Variants in SNX29 observed in about 807,000 individuals in gnomAD.
The protein encoded by SNX29 is sorting nexin-29.
In SNX29, 78 loss-of-function variants were observed where a neutral mutation model predicts 102.1. The observed-to-expected ratio is 0.76, with a 90% CI of 0.64 to 0.92. The LOEUF is 0.92. SNX29 is among the 40% of genes least tolerant of loss of function. The pLI, the probability that SNX29 is intolerant of heterozygous loss-of-function variation, is 0.00. For synonymous variants in SNX29, 580 were observed against 414.5 expected (o/e 1.40, Z -4.85); for missense variants, 1,280 against 1,061.7 (o/e 1.21, Z -2.86).
intron 18 of SNX29, among the ~76,000 whole-genome samples, chr16:12,462,859 G>T (rs1177341690): frequency 6.6e-6 from 1 of 152,140 alleles, no homozygotes; most frequent in African/African-American, 2.4e-5. Context: ...GCTAAGGGGG[G>T]ATCATGTGCA....
At chr16:11,995,963 G>T (rs1431001739) in intron 1 of SNX29, among the ~76,000 whole-genome samples, 1 of 152,088 alleles carries the variant, frequency 6.6e-6, no homozygotes, top group Non-Finnish European at 1.5e-5. Context: ...GGGAGGCTGA[G>T]GCAGGAGAAT....
At chr16:12,153,321 C>G (rs1194190034) in intron 13 of SNX29, among the ~76,000 whole-genome samples, 2 of 152,012 alleles carry the variant, frequency 1.3e-5, no homozygotes, top group African/African-American at 4.8e-5. Flanking sequence ...TGACATCTTC[C>G]AAAATATCGT....
chr16:12,214,597 G>C (rs536014084), intron 14 of SNX29, among the ~76,000 whole-genome samples: 1 of 152,058 alleles, frequency 6.6e-6, no homozygotes, highest in African/African-American at 2.4e-5. Flanking sequence ...AGACTGAATG[G>C]AAGAATCGAT....
chr16:12,513,191 C>T (rs2089709596), intron 19 of SNX29, among the ~76,000 whole-genome samples: 2 of 151,460 alleles, frequency 1.3e-5, no homozygotes, highest in South Asian at 2.1e-4. Flanking sequence ...ACCTTTCCTC[C>T]CTCTCCCTTG....
At chr16:12,542,024 T>G (rs1342001058) in intron 20 of SNX29, among the ~76,000 whole-genome samples, 2 of 152,058 alleles carry the variant, frequency 1.3e-5, no homozygotes, top group South Asian at 2.1e-4. Context: ...ACCGCTCTGT[T>G]TTTTCTTTTT....
chr16:12,536,635 T>C (rs1336630303), intron 20 of SNX29, among the ~76,000 whole-genome samples: 1 of 152,146 alleles, frequency 6.6e-6, no homozygotes, highest in Admixed American at 6.5e-5. Context: ...CAGGGGTGTA[T>C]ACAGCTAATT....
At chr16:12,472,529 C>CAAAAAAAAAAAAAAACAAA (rs60223249) in intron 18 of SNX29, among the ~76,000 whole-genome samples, 1 of 72,942 alleles carries the variant, frequency 1.4e-5, no homozygotes, top group African/African-American at 4.2e-5. Flanking sequence ...AAAAAAAAAC[C>CAAAAAAAAAAAAAAACAAA]AAAAAAAAAA....
chr16:12,515,612 C>T (rs1203189995), intron 19 of SNX29: 3 of 487,782 alleles, frequency 6.2e-6, no homozygotes, highest in Non-Finnish European at 1.2e-5. Context: ...GAAGTCACCT[C>T]CTCCCAGGTG....
intron 20 of SNX29, among the ~76,000 whole-genome samples, chr16:12,560,438 C>T (rs1408389831): frequency 6.6e-6 from 1 of 152,138 alleles, no homozygotes; most frequent in South Asian, 2.1e-4. Context: ...ATCCATGTCC[C>T]CAGCCCCGAG....
At chr16:12,535,995 C>T (rs559274612) in intron 20 of SNX29, among the ~76,000 whole-genome samples, 8 of 152,168 alleles carry the variant, frequency 5.3e-5, no homozygotes, top group Non-Finnish European at 1.5e-5. Context: ...TCTTTGATAC[C>T]TGTTCGACAC....
intron 14 of SNX29, among the ~76,000 whole-genome samples, chr16:12,215,326 A>T (rs1362171870): frequency 1.3e-5 from 2 of 152,054 alleles, no homozygotes; most frequent in Non-Finnish European, 2.9e-5. Flanking sequence ...AAAAAAAAAA[A>T]AAATCAGAAG....
intron 20 of SNX29, among the ~76,000 whole-genome samples, chr16:12,566,991 A>C (rs758452349): frequency 1.9e-4 from 29 of 152,250 alleles, no homozygotes; most frequent in Non-Finnish European, 3.8e-4. Flanking sequence ...ATGTCCCTGG[A>C]AAGGTGCAAC....
chr16:12,362,662 G>C (rs546278032), intron 16 of SNX29, among the ~76,000 whole-genome samples: 2 of 146,926 alleles, frequency 1.4e-5, no homozygotes, highest in Non-Finnish European at 3.0e-5. Flanking sequence ...GTGTTCCCTC[G>C]CCTGGAACAC....
At chr16:12,563,394 G>C (rs914222652) in intron 20 of SNX29, among the ~76,000 whole-genome samples, 1 of 152,224 alleles carries the variant, frequency 6.6e-6, no homozygotes, top group Non-Finnish European at 1.5e-5. Flanking sequence ...CCGTAACCAT[G>C]AAAATAGATG....
intron 18 of SNX29, among the ~76,000 whole-genome samples, chr16:12,427,586 T>A (rs1314236090): frequency 6.6e-6 from 1 of 151,792 alleles, no homozygotes; most frequent in Non-Finnish European, 1.5e-5. Context: ...TCTATTCGGT[T>A]GTTGGTATTT....
intron 20 of SNX29, among the ~76,000 whole-genome samples, chr16:12,567,883 C>T (rs1162265361): frequency 6.6e-6 from 1 of 152,174 alleles, no homozygotes; most frequent in African/African-American, 2.4e-5. Context: ...CGAGGGCCTC[C>T]CACACAACCC....
chr16:12,212,006 C>T (rs1334003394), intron 14 of SNX29, among the ~76,000 whole-genome samples: 2 of 152,086 alleles, frequency 1.3e-5, no homozygotes, highest in Non-Finnish European at 2.9e-5. Flanking sequence ...GATTCCTACC[C>T]AGATCTGTCT....
chr16:12,518,753 G>C (rs191926588), intron 19 of SNX29, among the ~76,000 whole-genome samples: 1 of 152,312 alleles, frequency 6.6e-6, no homozygotes, highest in Non-Finnish European at 1.5e-5. Flanking sequence ...GCTACCAGGT[G>C]CTGAGCCTGG....
intron 3 of SNX29, among the ~76,000 whole-genome samples, chr16:12,025,237 C>T (rs890038502): frequency 4.4e-5 from 6 of 136,982 alleles, no homozygotes; most frequent in Non-Finnish European, 6.1e-5. Flanking sequence ...GGGAGGTGGA[C>T]GTTGCAGTGA....
Sources: allele counts gnomAD v4.1 joint callset (sites outside exome capture counted in the v4.1 genomes callset), GRCh38; gene constraint gnomAD v4.1.1; transcripts MANE v1.5; gene names NCBI Gene and HGNC (gene_info 2026-07-23, HGNC 2026-07-21).